EXOC6: variants seen among roughly 807,000 people sequenced by gnomAD.
EXOC6 encodes the protein SEC15-like 1.
Under a neutral mutation model 112.5 loss-of-function variants are expected in EXOC6, and 60 were observed. The ratio of observed to expected loss-of-function variants is 0.53; its 90% CI spans 0.43 to 0.66. EXOC6 has a LOEUF of 0.66. Among genes scored for constraint, EXOC6 ranks in the 30% least tolerant of loss-of-function variants. The pLI, the probability that EXOC6 is intolerant of heterozygous loss-of-function variation, is 0.00. For missense variants in EXOC6, 855 were observed against 957.1 expected, an observed-to-expected ratio of 0.89 and a Z score of 1.41; for synonymous variants, 295 against 308.0, an observed-to-expected ratio of 0.96 and a Z score of 0.44.
intron 17 of EXOC6, among the ~76,000 whole-genome samples, chr10:92,956,158 G>T (rs1484121635): frequency 6.6e-6 from 1 of 152,016 alleles, no homozygotes; most frequent in Non-Finnish European, 1.5e-5. Context: ...TTTTGCGGGT[G>T]GAAAGATTTC....
chr10:93,022,507 T>C (rs1844833989), intron 20 of EXOC6, among the ~76,000 whole-genome samples: 1 of 152,166 alleles, frequency 6.6e-6, no homozygotes, highest in Non-Finnish European at 1.5e-5. Flanking sequence ...CAAAATGTAA[T>C]CATACTCTTC....
At chr10:92,902,826 G>A (rs61862270) in intron 5 of EXOC6, among the ~76,000 whole-genome samples, 1,849 of 152,070 alleles carry the variant, frequency 0.012, 67 homozygotes, top group Non-Finnish European at 0.01. Flanking sequence ...GGTTAGTTTT[G>A]TGTGTTTTTA....
At chr10:92,931,461 T>TAA (rs1269784551) in intron 9 of EXOC6, among the ~76,000 whole-genome samples, 1 of 151,746 alleles carries the variant, frequency 6.6e-6, no homozygotes, top group Non-Finnish European at 1.5e-5. Flanking sequence ...CATATATATA[T>TAA]AATGTGTAAT....
intron 1 of EXOC6, among the ~76,000 whole-genome samples, chr10:92,878,564 G>T (rs1468182586): frequency 6.6e-6 from 1 of 152,040 alleles, no homozygotes; most frequent in African/African-American, 2.4e-5. Context: ...TTTTGGTGGA[G>T]TGCGCCCCTG....
intron 18 of EXOC6, 30 bp downstream of exon 18, chr10:92,974,262 T>A: frequency 6.9e-7 from 1 of 1,445,134 alleles, no homozygotes; most frequent in Non-Finnish European, 9.2e-7. Context: ...AAAATTGTTT[T>A]ATGTTTGCTT....
intron 18 of EXOC6, among the ~76,000 whole-genome samples, chr10:92,988,734 T>TA: frequency 6.6e-6 from 1 of 151,824 alleles, no homozygotes; most frequent in African/African-American, 2.4e-5. Context: ...CCGAGGCAGG[T>TA]GGATCACTTG....
intron 14 of EXOC6, among the ~76,000 whole-genome samples, chr10:92,949,702 C>T (rs1853283786): frequency 6.6e-6 from 1 of 151,680 alleles, no homozygotes; most frequent in Admixed American, 6.6e-5. Context: ...AAGTGATTCT[C>T]CTGCCTCAGC....
intron 1 of EXOC6, among the ~76,000 whole-genome samples, chr10:92,828,065 G>T (rs1187605287): frequency 6.6e-6 from 1 of 152,142 alleles, no homozygotes; most frequent in Non-Finnish European, 1.5e-5. Flanking sequence ...CTAGTATACA[G>T]ATGAGCATTT....
At chr10:92,916,029 G>A in intron 7 of EXOC6, 116 bp downstream of exon 7, 1 of 756,602 alleles carries the variant, frequency 1.3e-6, no homozygotes. Context: ...TGTTGTAAAA[G>A]TTGTCAGAGT....
chr10:93,012,670 G>A (rs1564909809), intron 19 of EXOC6, among the ~76,000 whole-genome samples: 1 of 152,130 alleles, frequency 6.6e-6, no homozygotes, highest in African/African-American at 2.4e-5. Context: ...AATTGCTTTT[G>A]TTATTCCAAG....
Position 92,976,028 on chromosome 10 carries a change from C to G in EXOC6, c.1953+1796C>G, listed in dbSNP as rs1217817168. Among the ~76,000 whole-genome samples, 86 of 106,498 alleles carry G rather than the reference C, an allele frequency of 8.1e-4. 2 individuals carry two copies. Among genetic ancestry groups the G allele is most frequent in the Admixed American group, 4.2e-3 (45 of 10,826 alleles). 69.9% of individuals were successfully genotyped at this position (106,498 alleles called of 152,430 possible). A position where few individuals can be genotyped will look rare whatever the true frequency, so the allele number is the denominator to read the frequency against. On this transcript the variant is annotated intron_variant, in intron 18 of 21. Coordinates refer to ENST00000260762, the MANE Select transcript of EXOC6 (RefSeq NM_019053.6). ...GGAGCCCCTCTGCCCGGCCAGCCGC[C>G]GCGTCCGGGAGGGAGGTGGGGGGGG... is the stretch of plus-strand genomic sequence containing the variant.
intron 18 of EXOC6, among the ~76,000 whole-genome samples, chr10:92,974,834 C>T (rs1470679761): frequency 6.6e-6 from 1 of 152,192 alleles, no homozygotes; most frequent in Admixed American, 6.5e-5. Flanking sequence ...TCCCGAGGTG[C>T]CGGGATTGCA....
intron 15 of EXOC6, 102 bp from the exon 16 acceptor site, chr10:92,954,528 G>T: frequency 1.9e-6 from 1 of 537,098 alleles, no homozygotes; most frequent in Non-Finnish European, 3.2e-6. Context: ...ATAAAATAAT[G>T]ATGGGGAAAA....
chr10:92,996,051 T>C (rs1392066753), intron 18 of EXOC6, among the ~76,000 whole-genome samples: 1 of 152,212 alleles, frequency 6.6e-6, no homozygotes, highest in Admixed American at 6.5e-5. Context: ...CATTTCTGTT[T>C]GGGAGATTTT....
At chr10:92,834,657 G>A (rs1478837029), upstream of EXOC6, 5 of 1,001,410 alleles carry the variant, frequency 5.0e-6, no homozygotes, top group Admixed American at 2.8e-5. Flanking sequence ...AAGGAAAACG[G>A]TATTTTTTTT....
chr10:92,997,917 C>T (rs1267263272), intron 19 of EXOC6, among the ~76,000 whole-genome samples: 1 of 152,088 alleles, frequency 6.6e-6, no homozygotes, highest in African/African-American at 2.4e-5. Flanking sequence ...TAGGACTCTC[C>T]TAATGTTTGT....
chr10:92,926,835 A>G (rs574507017), intron 8 of EXOC6, among the ~76,000 whole-genome samples: 12 of 152,230 alleles, frequency 7.9e-5, no homozygotes, highest in African/African-American at 2.9e-4. Flanking sequence ...GCCCGGCCCC[A>G]TATTTTTTTA....
At chr10:92,893,260 GATTTA>G in intron 1 of EXOC6, 84 bp from the exon 2 acceptor site, 1 of 922,198 alleles carries the variant, frequency 1.1e-6, no homozygotes, top group South Asian at 2.4e-5. Flanking sequence ...TTTGTTCAGA[GATTTA>G]ATTTTAAGAT....
chr10:93,033,620 A>G (rs1441617188), intron 20 of EXOC6, among the ~76,000 whole-genome samples: 1 of 152,134 alleles, frequency 6.6e-6, no homozygotes, highest in Non-Finnish European at 1.5e-5. Flanking sequence ...TTGCCTTAAA[A>G]CCCGTTTGGA....
Sources: gnomAD v4.1 joint callset for allele counts (sites outside exome capture counted in the v4.1 genomes callset) on GRCh38, gnomAD v4.1.1 for gene constraint, MANE v1.5 for transcripts, NCBI Gene and HGNC (gene_info 2026-07-23, HGNC 2026-07-21) for gene names.